C2CD5: variants seen among roughly 807,000 people sequenced by gnomAD.
C2CD5 encodes C2 calcium dependent domain containing 5, also known as C2 domain-containing protein 5.
Under a neutral mutation model 130.3 loss-of-function variants are expected in C2CD5, and 109 were observed. The ratio of observed to expected loss-of-function variants is 0.84; its 90% confidence interval spans 0.72 to 0.98. The LOEUF (loss-of-function observed/expected upper bound fraction) is 0.98. Ranked by LOEUF, C2CD5 falls within the 50% of genes least tolerant of loss-of-function variation. The pLI is 0.00. For synonymous variants in C2CD5, 454 were observed against 429.2 expected (o/e 1.06, Z -0.71); for missense variants, 996 against 1,261.8 (o/e 0.79, Z 3.19).
intron 12 of C2CD5, among the ~76,000 whole-genome samples, chr12:22,488,855 C>T (rs1220618181): frequency 6.7e-6 from 1 of 149,464 alleles, no homozygotes; most frequent in African/African-American, 2.5e-5. Context: ...CTAAACTTGA[C>T]AAGATACAGA....
In C2CD5 at chr12:22,470,694, T is replaced by C. The variant is rs538764643; in HGVS notation, c.2446+130A>G. Reference sequence around the variant, plus strand: ...ATCCACACAGTTATCTTCATAAAGATGAACAGAAAAAGCAGCAAATATTCT... The same window carrying C: ...ATCCACACAGTTATCTTCATAAAGACGAACAGAAAAAGCAGCAAATATTCT... On this transcript the variant is annotated intron_variant, in intron 21 of 26. Coordinates refer to ENST00000446597, the MANE Select transcript of C2CD5 (RefSeq NM_001286176.2). The C allele has an allele frequency of 6.5e-5, 40 of 617,628 alleles. No homozygotes were observed. The African/African-American group carries it at 7.2e-4, about 11-fold the overall frequency. The allele number at this position is 617,628 out of a possible 1,614,324, so 38.3% of individuals were successfully genotyped here. A position where few individuals can be genotyped will look rare whatever the true frequency, so the allele number is the denominator to read the frequency against.
intron 7 of C2CD5, chr12:22,518,904 T>A: frequency 2.6e-6 from 1 of 391,368 alleles, no homozygotes; most frequent in Non-Finnish European, 4.5e-6. Flanking sequence ...GGAAGAGACT[T>A]TGGAAGCTGG....
chr12:22,489,387 A>C (rs898314814), intron 12 of C2CD5, among the ~76,000 whole-genome samples: 3 of 152,030 alleles, frequency 2.0e-5, no homozygotes, highest in African/African-American at 7.2e-5. Context: ...GGATTCAACC[A>C]ATCACAGGTT....
intron 7 of C2CD5, among the ~76,000 whole-genome samples, chr12:22,520,098 G>C (rs1201448109): frequency 6.6e-6 from 1 of 151,980 alleles, no homozygotes; most frequent in Non-Finnish European, 1.5e-5. Flanking sequence ...TTGGCTAAAA[G>C]GATTACATTG....
In C2CD5 at chr12:22,513,308, CTGAT is replaced by C; in HGVS notation, c.1020_1023del (p.Ser341ArgfsTer12). The stretch of plus-strand genomic sequence containing the variant: ...GTGAATCTTACCCTCTGTTCCAACG[CTGAT>C]TGAGTCTGTTGTCTTAAAAGAGCTT... On this transcript the variant is annotated frameshift_variant, in exon 9 of 27. Coordinates refer to ENST00000446597, the MANE Select transcript of C2CD5 (RefSeq NM_001286176.2). LOFTEE classifies it high-confidence loss of function. 1 of 1,608,934 alleles carries C rather than the reference CTGAT, an allele frequency of 6.2e-7. No individual in the cohort carries two copies. Among genetic ancestry groups the C allele is most frequent in the Non-Finnish European group, 8.5e-7 (1 of 1,175,440 alleles).
At chr12:22,464,238 A>C (rs972149106) in intron 22 of C2CD5, among the ~76,000 whole-genome samples, 19 of 152,178 alleles carry the variant, frequency 1.2e-4, no homozygotes, top group African/African-American at 4.6e-4. Context: ...TAACAAAGAC[A>C]ATTAACTTCC....
intron 22 of C2CD5, among the ~76,000 whole-genome samples, chr12:22,467,654 A>G (rs1395088283): frequency 1.3e-5 from 2 of 152,188 alleles, no homozygotes; most frequent in African/African-American, 4.8e-5. Context: ...TCTCATGCCT[A>G]ATCCATAGCA....
At chr12:22,477,031 A>T (rs1943945362) in intron 15 of C2CD5, among the ~76,000 whole-genome samples, 1 of 152,172 alleles carries the variant, frequency 6.6e-6, no homozygotes, top group Admixed American at 6.5e-5. Context: ...CAACATTTGC[A>T]TTCATTTTAA....
At position 22,458,843 on chromosome 12, in the gene C2CD5, T is replaced by A. The variant is rs561055532; in HGVS notation, c.2585-258A>T. ...TGTGGTCTCCTAGGGAGAGCCTGAG[T>A]GGGGTCTAACATAAATATCAATGAA... On this transcript the variant is annotated intron_variant, in intron 23 of 26. Coordinates refer to ENST00000446597, the MANE Select transcript of C2CD5 (RefSeq NM_001286176.2). The A allele has an allele frequency of 3.8e-5, 10 of 264,918 alleles. No individual in the cohort carries two copies. The South Asian group carries it at 1.7e-3, about 45-fold the overall frequency. 16.4% of individuals were successfully genotyped at this position (264,918 alleles called of 1,614,324 possible).
chr12:22,542,752 T>G (rs1280808379), intron 2 of C2CD5, among the ~76,000 whole-genome samples: 1 of 152,214 alleles, frequency 6.6e-6, no homozygotes, highest in Non-Finnish European at 1.5e-5. Context: ...CTATGTAACC[T>G]TAAGCAAATT....
chr12:22,543,730 G>A (rs1276439075), intron 2 of C2CD5, among the ~76,000 whole-genome samples: 3 of 151,672 alleles, frequency 2.0e-5, no homozygotes, highest in Non-Finnish European at 4.4e-5. Context: ...GTGTGTATGT[G>A]TGTGAGTGTG....
chr12:22,523,988 AAAC>A (rs1178172096), intron 6 of C2CD5, among the ~76,000 whole-genome samples: 1 of 152,152 alleles, frequency 6.6e-6, no homozygotes, highest in African/African-American at 2.4e-5. Context: ...ATAAAACAGT[AAAC>A]AAGTTTTTCA....
At chr12:22,466,282 T>C (rs928327316) in intron 22 of C2CD5, among the ~76,000 whole-genome samples, 1 of 150,798 alleles carries the variant, frequency 6.6e-6, no homozygotes, top group Non-Finnish European at 1.5e-5. Flanking sequence ...AAATATACAC[T>C]GGAATTCAAA....
At chr12:22,458,619 CAAAG>C (rs1315560905) in intron 23 of C2CD5, 34 bp from the exon 24 acceptor site, 3 of 1,016,494 alleles carry the variant, frequency 3.0e-6, no homozygotes, top group Non-Finnish European at 3.8e-6. Context: ...AAGAAAAAAA[CAAAG>C]AAAAAAATAT....
intron 10 of C2CD5, among the ~76,000 whole-genome samples, chr12:22,494,377 T>C (rs945444997): frequency 6.6e-6 from 1 of 152,090 alleles, no homozygotes; most frequent in African/African-American, 2.4e-5. Flanking sequence ...TATTTTTGAA[T>C]TGCAGTATAT....
At chr12:22,531,425 T>G (rs2137163665) in intron 3 of C2CD5, among the ~76,000 whole-genome samples, 1 of 152,284 alleles carries the variant, frequency 6.6e-6, no homozygotes, top group Non-Finnish European at 1.5e-5. Context: ...GGTAATAGTA[T>G]AAAGACAGAC....
At chr12:22,530,108 A>G (rs1002807403) in intron 3 of C2CD5, among the ~76,000 whole-genome samples, 1 of 107,010 alleles carries the variant, frequency 9.3e-6, no homozygotes, top group Non-Finnish European at 1.8e-5. Context: ...ATATATATAT[A>G]TATACACACA....
chr12:22,454,106 C>A (rs908822797), intron 25 of C2CD5, 64 bp from the exon 26 acceptor site: 6 of 1,251,866 alleles, frequency 4.8e-6, no homozygotes, highest in Non-Finnish European at 6.8e-6. Flanking sequence ...GGAATGCACA[C>A]AAAATGTCAA....
Position 22,484,756 on chromosome 12 carries a change from T to C in C2CD5, c.1491A>G (p.Thr497=). Residue 497 remains threonine (T), a synonymous_variant, in exon 13 of 27, where the codon ACA becomes ACG. Transcript: ENST00000446597. ...TTGCATCTGTTGGGAGGTCTATAGTTGTAAACAGAACATCAGGAACTTTTT... is the reference window on the plus strand; with the variant it reads ...TTGCATCTGTTGGGAGGTCTATAGTCGTAAACAGAACATCAGGAACTTTTT... ...RKQKVPDVLF[T]TIDLPTDATV... The C allele has an allele frequency of 6.2e-7, 1 of 1,610,340 alleles. No individual in the cohort carries two copies. The highest frequency in any genetic ancestry group is 8.5e-7 in the Non-Finnish European group (1 of 1,178,296).
Sources: allele counts gnomAD v4.1 joint callset (sites outside exome capture counted in the v4.1 genomes callset), GRCh38; gene constraint gnomAD v4.1.1; transcripts MANE v1.5; gene names NCBI Gene and HGNC (gene_info 2026-07-23, HGNC 2026-07-21).